Variants in CSNK2A2IP observed in about 807,000 individuals in gnomAD.
The protein encoded by CSNK2A2IP is casein kinase 2 subunit alpha' interacting protein.
At chr3:88,350,285 T>G in the CSNK2A2IP span, among the ~76,000 whole-genome samples, 2 of 152,174 alleles carry the variant, frequency 1.3e-5, no homozygotes, top group East Asian at 3.9e-4. Context: ...TTTCTCTGAG[T>G]TACCAATTCA....
the CSNK2A2IP span, among the ~76,000 whole-genome samples, chr3:88,458,676 CT>C: frequency 6.6e-6 from 1 of 151,824 alleles, no homozygotes; most frequent in African/African-American, 2.4e-5. Flanking sequence ...AACTTCCTGC[CT>C]TTTTGATACT....
chr3:88,353,611 G>A, the CSNK2A2IP span, among the ~76,000 whole-genome samples: 1 of 152,094 alleles, frequency 6.6e-6, no homozygotes, highest in African/African-American at 2.4e-5. Context: ...GGTTTTATTG[G>A]ATCTTAACTT....
At chr3:88,348,155 G>C in the CSNK2A2IP span, among the ~76,000 whole-genome samples, 4 of 151,382 alleles carry the variant, frequency 2.6e-5, no homozygotes, top group African/African-American at 4.8e-5. Context: ...TTTACAAATT[G>C]TCCTTTGACC....
At chr3:88,449,124 T>A in the CSNK2A2IP span, among the ~76,000 whole-genome samples, 5 of 152,122 alleles carry the variant, frequency 3.3e-5, no homozygotes, top group Non-Finnish European at 5.9e-5. Context: ...ATACATGATG[T>A]ATGAGAAAAA....
the CSNK2A2IP span, among the ~76,000 whole-genome samples, chr3:88,462,137 G>A: frequency 8.6e-4 from 111 of 129,080 alleles, no homozygotes; most frequent in African/African-American, 2.9e-3. Context: ...ATATATATAT[G>A]TATTGTAAAT....
the CSNK2A2IP span, among the ~76,000 whole-genome samples, chr3:88,406,052 T>G: frequency 6.6e-6 from 1 of 152,108 alleles, no homozygotes; most frequent in Admixed American, 6.5e-5. Context: ...TTTCATAAAA[T>G]AAAAAATATA....
At chr3:88,450,503 T>C in the CSNK2A2IP span, among the ~76,000 whole-genome samples, 1 of 151,860 alleles carries the variant, frequency 6.6e-6, no homozygotes, top group Non-Finnish European at 1.5e-5. Context: ...TTGACCTTTT[T>C]AAAAAAACAT....
chr3:88,412,021 C>T, the CSNK2A2IP span, among the ~76,000 whole-genome samples: 1 of 151,306 alleles, frequency 6.6e-6, no homozygotes, highest in South Asian at 2.1e-4. Flanking sequence ...AAGAATACCC[C>T]AAGAGAAAGG....
chr3:88,453,993 T>G, the CSNK2A2IP span, among the ~76,000 whole-genome samples: 2 of 152,038 alleles, frequency 1.3e-5, no homozygotes, highest in Non-Finnish European at 2.9e-5. Flanking sequence ...TATATTTAAC[T>G]TTTAAAGAAA....
the CSNK2A2IP span, among the ~76,000 whole-genome samples, chr3:88,342,143 T>A: frequency 6.6e-6 from 1 of 151,992 alleles, no homozygotes; most frequent in Non-Finnish European, 1.5e-5. Context: ...TTTGCTACAA[T>A]ATTGTATAGG....
At chr3:88,380,267 AC>A in the CSNK2A2IP span, among the ~76,000 whole-genome samples, 1 of 152,112 alleles carries the variant, frequency 6.6e-6, no homozygotes, top group Non-Finnish European at 1.5e-5. Flanking sequence ...AACCACAAAT[AC>A]AGATAATAGG....
the CSNK2A2IP span, among the ~76,000 whole-genome samples, chr3:88,458,262 T>C: frequency 6.8e-6 from 1 of 146,630 alleles, no homozygotes; most frequent in African/African-American, 2.5e-5. Context: ...GCAATTCTCC[T>C]GCCTCAGGCA....
the CSNK2A2IP span, among the ~76,000 whole-genome samples, chr3:88,397,943 G>C: frequency 6.6e-6 from 1 of 151,964 alleles, no homozygotes; most frequent in Non-Finnish European, 1.5e-5. Context: ...TCTGGGAGCT[G>C]AGCCAGTAAA....
chr3:88,342,377 G>C, the CSNK2A2IP span, among the ~76,000 whole-genome samples: 1 of 151,998 alleles, frequency 6.6e-6, no homozygotes, highest in South Asian at 2.1e-4. Flanking sequence ...GTAGCCAGCT[G>C]TTTGAACCAT....
At chr3:88,438,584 G>A in the CSNK2A2IP span, among the ~76,000 whole-genome samples, 8 of 152,192 alleles carry the variant, frequency 5.3e-5, no homozygotes, top group South Asian at 8.3e-4. Flanking sequence ...TTATACCTAC[G>A]ATGAAGGAAG....
At chr3:88,396,197 T>TG in the CSNK2A2IP span, among the ~76,000 whole-genome samples, 1 of 145,594 alleles carries the variant, frequency 6.9e-6, no homozygotes, top group Admixed American at 7.1e-5. Context: ...CTCCGCCCCC[T>TG]GGGGTTCACG....
the CSNK2A2IP span, among the ~76,000 whole-genome samples, chr3:88,403,025 T>G: frequency 6.6e-6 from 1 of 152,140 alleles, no homozygotes; most frequent in Non-Finnish European, 1.5e-5. Flanking sequence ...TATGTCCTAA[T>G]GATCTCATGC....
At chr3:88,381,044 C>T in the CSNK2A2IP span, among the ~76,000 whole-genome samples, 2 of 152,132 alleles carry the variant, frequency 1.3e-5, no homozygotes, top group East Asian at 1.9e-4. Context: ...TTACTTAAAA[C>T]GCCAGGCTCT....
chr3:88,393,083 A>G, the CSNK2A2IP span, among the ~76,000 whole-genome samples: 5 of 152,218 alleles, frequency 3.3e-5, no homozygotes, highest in African/African-American at 9.6e-5. Flanking sequence ...ATGTGACATG[A>G]TATCTTCTGT....
Sources: gnomAD v4.1 joint callset for allele counts (sites outside exome capture counted in the v4.1 genomes callset) on GRCh38, gnomAD v4.1.1 for gene constraint, MANE v1.5 for transcripts, NCBI Gene and HGNC (gene_info 2026-07-23, HGNC 2026-07-21) for gene names.